Variants in COP1 observed in about 807,000 individuals in gnomAD.
COP1 encodes COP1 E3 ubiquitin ligase.
COP1 carries 24 observed loss-of-function variants against 101.3 expected under a neutral mutation model. The observed-to-expected ratio is 0.24, with a 90% CI of 0.17 to 0.33. The LOEUF (loss-of-function observed/expected upper bound fraction) is 0.33, where lower values mean the gene tolerates loss of function less well. COP1 is among the 10% of genes least tolerant of loss of function. The pLI, the probability that COP1 is intolerant of heterozygous loss-of-function variation, is 1.00. For missense variants in COP1, 663 were observed against 906.2 expected, an observed-to-expected ratio of 0.73 and a Z score of 3.45; for synonymous variants, 347 against 341.9, an observed-to-expected ratio of 1.01 and a Z score of -0.17.
chr1:176,194,347 G>C (rs1290031618), intron 1 of COP1, among the ~76,000 whole-genome samples: 1 of 152,084 alleles, frequency 6.6e-6, no homozygotes, highest in South Asian at 2.1e-4. Context: ...CCAACTAAAA[G>C]GCAGACTGTT....
intron 10 of COP1, among the ~76,000 whole-genome samples, chr1:176,085,441 G>A (rs932416882): frequency 3.3e-5 from 5 of 152,102 alleles, no homozygotes; most frequent in African/African-American, 1.2e-4. Context: ...TAGCACAGAG[G>A]ACAGTGCTTA....
At chr1:176,049,241 T>C (rs1190994804) in intron 11 of COP1, among the ~76,000 whole-genome samples, 1 of 151,926 alleles carries the variant, frequency 6.6e-6, no homozygotes, top group African/African-American at 2.4e-5. Context: ...TATTATTTCT[T>C]CTGCTGGTAT....
At chr1:176,206,455 A>C in intron 1 of COP1, 117 bp downstream of exon 1, 1 of 1,207,544 alleles carries the variant, frequency 8.3e-7, no homozygotes, top group Admixed American at 2.2e-5. Flanking sequence ...ACACCACCAC[A>C]GCACCAGTAT....
At chr1:176,081,356 TC>T in intron 10 of COP1, 69 bp from the exon 11 acceptor site, 1 of 1,235,810 alleles carries the variant, frequency 8.1e-7, no homozygotes, top group South Asian at 1.7e-5. Context: ...AAGAGCCACA[TC>T]CACAAATTAA....
chr1:176,052,387 C>G (rs970508645), intron 11 of COP1, among the ~76,000 whole-genome samples: 1 of 152,128 alleles, frequency 6.6e-6, no homozygotes, highest in Admixed American at 6.6e-5. Flanking sequence ...GAGAAATTCA[C>G]AGAAGTATAT....
intron 9 of COP1, among the ~76,000 whole-genome samples, chr1:176,096,063 A>C (rs1447580095): frequency 6.6e-6 from 1 of 152,062 alleles, no homozygotes; most frequent in Admixed American, 6.5e-5. Flanking sequence ...TTACCCAATA[A>C]ATTCCACTTT....
chr1:175,951,048 C>A (rs957440795), intron 18 of COP1, among the ~76,000 whole-genome samples: 5 of 151,966 alleles, frequency 3.3e-5, no homozygotes, highest in African/African-American at 1.2e-4. Flanking sequence ...GAGTTTGAGA[C>A]CAGCCTGACC....
At chr1:175,969,152 A>G (rs1652736072) in intron 18 of COP1, among the ~76,000 whole-genome samples, 1 of 152,176 alleles carries the variant, frequency 6.6e-6, no homozygotes, top group Admixed American at 6.5e-5. Flanking sequence ...AGGCATGGAA[A>G]CCTGGATCTG....
chr1:176,149,704 T>A (rs1692118425), intron 5 of COP1, among the ~76,000 whole-genome samples: 3 of 152,044 alleles, frequency 2.0e-5, no homozygotes, highest in Admixed American at 6.5e-5. Context: ...AATGAAAGTA[T>A]AATAAGCCTT....
intron 9 of COP1, among the ~76,000 whole-genome samples, chr1:176,096,515 G>T (rs1053407589): frequency 2.0e-5 from 3 of 152,230 alleles, no homozygotes; most frequent in African/African-American, 7.2e-5. Context: ...AGGGGCCTGG[G>T]CCCTGCATGG....
intron 12 of COP1, among the ~76,000 whole-genome samples, chr1:176,044,806 A>C (rs1671220017): frequency 6.6e-6 from 1 of 152,076 alleles, no homozygotes; most frequent in African/African-American, 2.4e-5. Flanking sequence ...GAGCGCTTTC[A>C]CCATTTATTC....
At position 175,971,524 on chromosome 1, in the gene COP1, AGGGTACC is replaced by A. The variant is rs1308565964; in HGVS notation, c.2133+15412_2133+15418del. 1.4e-4 allele frequency among the ~76,000 whole-genome samples: 21 copies of A among 151,986 alleles called. No homozygotes were observed. In the South Asian group the frequency reaches 3.5e-3, roughly 26 times the overall value. On this transcript the variant is annotated intron_variant, in intron 18 of 19. Transcript: ENST00000367669. ...TTGGTGAAAACATTGAGGTACTAGG[AGGGTACC>A]CATCTGGGAAGAAAATGCCAAAGTG...
At chr1:175,995,060 G>T (rs186568009) in intron 15 of COP1, among the ~76,000 whole-genome samples, 1 of 152,208 alleles carries the variant, frequency 6.6e-6, no homozygotes, top group South Asian at 2.1e-4. Flanking sequence ...AGACCACAGC[G>T]CAATCAAACT....
chr1:175,950,404 T>C (rs1272388039), intron 18 of COP1, among the ~76,000 whole-genome samples: 2 of 149,048 alleles, frequency 1.3e-5, no homozygotes, highest in Admixed American at 1.3e-4. Context: ...AGATAAATTA[T>C]TTTTTTTTTG....
intron 3 of COP1, among the ~76,000 whole-genome samples, chr1:176,164,406 T>C (rs938316783): frequency 6.6e-6 from 1 of 152,198 alleles, no homozygotes; most frequent in Admixed American, 6.5e-5. Context: ...CATATAACTT[T>C]CAGAGAGGTT....
intron 8 of COP1, among the ~76,000 whole-genome samples, chr1:176,130,434 G>A (rs1325734041): frequency 6.6e-6 from 1 of 151,680 alleles, no homozygotes; most frequent in Admixed American, 6.6e-5. Flanking sequence ...TGAGAATTGT[G>A]AAGACTTTCT....
intron 9 of COP1, among the ~76,000 whole-genome samples, chr1:176,094,664 G>T (rs1273540485): frequency 6.7e-6 from 1 of 148,238 alleles, no homozygotes; most frequent in Non-Finnish European, 1.5e-5. Flanking sequence ...TTTGGTCATT[G>T]GAAAAAGTTA....
intron 8 of COP1, among the ~76,000 whole-genome samples, chr1:176,122,882 G>A (rs1245016513): frequency 1.3e-5 from 2 of 152,182 alleles, no homozygotes; most frequent in East Asian, 1.9e-4. Context: ...ACAGGTCTGA[G>A]TCTATTGCTT....
In COP1 at chr1:176,126,749, G is replaced by A. The variant is rs1387881592; in HGVS notation, c.968+8261C>T. Among the ~76,000 whole-genome samples the A allele has an allele frequency of 2.6e-5, 4 of 152,228 alleles. No homozygotes were observed. In the East Asian group the frequency reaches 7.7e-4, roughly 29 times the overall value. The stretch of plus-strand genomic sequence containing the variant: ...TTACAGGCATGAGCCACTGCACCTG[G>A]CCATCAACATCACTTTTTAAGTATC... On this transcript the variant is annotated intron_variant, in intron 8 of 19. Transcript: ENST00000367669.
Sources: gnomAD v4.1 joint callset for allele counts (sites outside exome capture counted in the v4.1 genomes callset) on GRCh38, gnomAD v4.1.1 for gene constraint, MANE v1.5 for transcripts, NCBI Gene and HGNC (gene_info 2026-07-23, HGNC 2026-07-21) for gene names.